ARHGAP26: variants seen among roughly 807,000 people sequenced by gnomAD.
ARHGAP26 encodes rho GTPase-activating protein 26.
A neutral mutation model predicts 104.8 loss-of-function variants in ARHGAP26; 38 were observed. The ratio of observed to expected loss-of-function variants is 0.36; its 90% confidence interval spans 0.28 to 0.48. The LOEUF (loss-of-function observed/expected upper bound fraction) is 0.48. Ranked by LOEUF, ARHGAP26 falls within the 20% of genes least tolerant of loss-of-function variation. The probability of loss-of-function intolerance (pLI) is 0.99; values close to 1 mark genes in which losing one functional copy is unlikely to be tolerated. For synonymous variants in ARHGAP26, 341 were observed against 340.0 expected (o/e 1.00, Z -0.03); for missense variants, 704 against 947.9 (o/e 0.74, Z 3.38).
chr5:143,131,989 G>A (rs10074187), intron 18 of ARHGAP26, among the ~76,000 whole-genome samples: 6,383 of 152,050 alleles, frequency 0.042, 460 homozygotes, highest in African/African-American at 0.15. Context: ...TGTTTTTTGG[G>A]GTTCCAGCTG....
At chr5:142,976,641 T>C (rs1037361622) in intron 11 of ARHGAP26, among the ~76,000 whole-genome samples, 16 of 152,218 alleles carry the variant, frequency 1.1e-4, no homozygotes, top group Non-Finnish European at 1.5e-4. Flanking sequence ...GATATCCTGT[T>C]GGGAAAAGAT....
At chr5:142,975,134 T>C (rs1229307229) in intron 11 of ARHGAP26, among the ~76,000 whole-genome samples, 2 of 152,102 alleles carry the variant, frequency 1.3e-5, no homozygotes, top group African/African-American at 4.8e-5. Flanking sequence ...GAGGCAGGTT[T>C]GTAATGGAAA....
intron 1 of ARHGAP26, among the ~76,000 whole-genome samples, chr5:142,832,398 A>G (rs963327931): frequency 6.6e-6 from 1 of 152,210 alleles, no homozygotes; most frequent in Non-Finnish European, 1.5e-5. Context: ...CTCTCTGCAC[A>G]CATGCACAAA....
chr5:143,148,186 A>G (rs1799386893), intron 20 of ARHGAP26, among the ~76,000 whole-genome samples: 1 of 152,206 alleles, frequency 6.6e-6, no homozygotes, highest in Non-Finnish European at 1.5e-5. Context: ...TGATTTTCCC[A>G]TTCTCTAAGT....
At chr5:142,895,477 G>T (rs1001404959) in intron 6 of ARHGAP26, among the ~76,000 whole-genome samples, 3 of 152,000 alleles carry the variant, frequency 2.0e-5, no homozygotes, top group East Asian at 1.9e-4. Context: ...TGATCCGCCC[G>T]CCTCGGCCTC....
At chr5:142,898,831 C>A (rs898979485) in intron 6 of ARHGAP26, among the ~76,000 whole-genome samples, 1 of 152,130 alleles carries the variant, frequency 6.6e-6, no homozygotes, top group Non-Finnish European at 1.5e-5. Context: ...GTTGCCTGTG[C>A]GGATGATTCT....
chr5:142,869,399 T>G (rs566552117), intron 1 of ARHGAP26, among the ~76,000 whole-genome samples: 2 of 151,932 alleles, frequency 1.3e-5, no homozygotes, highest in African/African-American at 4.8e-5. Flanking sequence ...TTTTGTATTT[T>G]TAGTAGAGAT....
intron 20 of ARHGAP26, among the ~76,000 whole-genome samples, chr5:143,187,851 C>T (rs192441365): frequency 2.1e-4 from 32 of 152,320 alleles, no homozygotes; most frequent in Middle Eastern, 3.4e-3. Flanking sequence ...AGCAGGACTT[C>T]GTGTTGTTGC....
intron 11 of ARHGAP26, among the ~76,000 whole-genome samples, chr5:142,979,645 A>T (rs1773636472): frequency 6.6e-6 from 1 of 152,258 alleles, no homozygotes; most frequent in Non-Finnish European, 1.5e-5. Context: ...AATCAAGGAA[A>T]AAGGAAAATG....
intron 21 of ARHGAP26, among the ~76,000 whole-genome samples, chr5:143,208,306 A>G (rs1164769882): frequency 6.6e-6 from 1 of 152,204 alleles, no homozygotes; most frequent in Non-Finnish European, 1.5e-5. Context: ...TCAGACAACC[A>G]AATTGTAGAG....
At chr5:143,009,572 T>A (rs1778449934) in intron 11 of ARHGAP26, among the ~76,000 whole-genome samples, 1 of 152,248 alleles carries the variant, frequency 6.6e-6, no homozygotes, top group South Asian at 2.1e-4. Flanking sequence ...GGCAGGGGTT[T>A]TGTCATCATC....
rs564160116 is a variant in ARHGAP26 at position 142,804,202 on chromosome 5, A to G, written c.154+33287A>G. ...TAACAATTTTGACCTACAAAAAACG[A>G]CAGTTTTATATGGTTCAACTTCATC... On this transcript the variant is annotated intron_variant, in intron 1 of 22. Coordinates refer to ENST00000645722, the MANE Select transcript of ARHGAP26 (RefSeq NM_001135608.3). Among the ~76,000 whole-genome samples, 4 of 152,340 alleles carry G rather than the reference A, an allele frequency of 2.6e-5. No individual in the cohort carries two copies. The South Asian group carries it at 8.3e-4, about 32-fold the overall frequency.
chr5:143,037,853 G>A (rs1782878090), intron 13 of ARHGAP26, among the ~76,000 whole-genome samples: 1 of 152,160 alleles, frequency 6.6e-6, no homozygotes, highest in African/African-American at 2.4e-5. Flanking sequence ...CTTGGGGTCT[G>A]TGAACCCAAG....
At chr5:143,222,289 C>T (rs1322717064) in intron 22 of ARHGAP26, 69 bp from the exon 23 acceptor site, 2 of 1,112,594 alleles carry the variant, frequency 1.8e-6, no homozygotes, top group Non-Finnish European at 1.3e-6. Flanking sequence ...ACACACCCCA[C>T]ACACACATCT....
chr5:142,815,149 C>T (rs189814180), intron 1 of ARHGAP26, among the ~76,000 whole-genome samples: 13 of 152,212 alleles, frequency 8.5e-5, no homozygotes, highest in Non-Finnish European at 1.6e-4. Context: ...TACAGACCAG[C>T]GCTGCTACAC....
At chr5:143,168,183 C>T (rs1802269425) in intron 20 of ARHGAP26, among the ~76,000 whole-genome samples, 1 of 152,126 alleles carries the variant, frequency 6.6e-6, no homozygotes. Context: ...GGGAGCTGCT[C>T]ATAGTTAACT....
intron 20 of ARHGAP26, among the ~76,000 whole-genome samples, chr5:143,204,383 G>A (rs1808232668): frequency 6.6e-6 from 1 of 152,144 alleles, no homozygotes; most frequent in African/African-American, 2.4e-5. Flanking sequence ...AATTAGCCAG[G>A]CATGGTGGGG....
intron 9 of ARHGAP26, 143 bp from the exon 10 acceptor site, chr5:142,913,056 A>C: frequency 4.2e-6 from 3 of 722,684 alleles, no homozygotes; most frequent in Non-Finnish European, 7.3e-6. Context: ...AAAGGTTTAT[A>C]GTCACCCTTC....
intron 17 of ARHGAP26, among the ~76,000 whole-genome samples, chr5:143,085,044 CAAAAAAA>C (rs56852430): frequency 1.6e-4 from 10 of 61,648 alleles, no homozygotes; most frequent in South Asian, 4.6e-4. Flanking sequence ...GACTCCATCT[CAAAAAAA>C]AAAAAAAAAA....
Sources: gnomAD v4.1 joint callset for allele counts (sites outside exome capture counted in the v4.1 genomes callset) on GRCh38, gnomAD v4.1.1 for gene constraint, MANE v1.5 for transcripts, NCBI Gene and HGNC (gene_info 2026-07-23, HGNC 2026-07-21) for gene names.